SNAP91: variants seen among roughly 807,000 people sequenced by gnomAD.
SNAP91 encodes the protein clathrin coat assembly protein AP180.
Under a neutral mutation model 100.3 loss-of-function variants are expected in SNAP91, and 27 were observed. The observed-to-expected ratio is 0.27, with a 90% CI of 0.20 to 0.37. The LOEUF (loss-of-function observed/expected upper bound fraction) is 0.37, where lower values mean the gene tolerates loss of function less well. Among genes scored for constraint, SNAP91 ranks in the 10% least tolerant of loss-of-function variants. The pLI, the probability that SNAP91 is intolerant of heterozygous loss-of-function variation, is 1.00. For synonymous variants in SNAP91, 404 were observed against 398.6 expected (o/e 1.01, Z -0.16); for missense variants, 986 against 1,123.7 (o/e 0.88, Z 1.75).
intron 2 of SNAP91, among the ~76,000 whole-genome samples, chr6:83,675,713 C>T (rs2098856497): frequency 6.6e-6 from 1 of 151,952 alleles, no homozygotes; most frequent in Non-Finnish European, 1.5e-5. Flanking sequence ...CTCTCTTAAC[C>T]TCCATTTCTT....
rs184950521 is a variant in SNAP91 at position 83,707,780 on chromosome 6, A to G, written c.130+18T>C. The G allele has an allele frequency of 3.8e-4, 618 of 1,612,496 alleles. 1 individual carries two copies. The highest frequency in any genetic ancestry group is 1.6e-3 in the Admixed American group (93 of 59,672). On this transcript the variant is annotated intron_variant, in intron 2 of 29. Coordinates refer to ENST00000369694, the MANE Select transcript of SNAP91 (RefSeq NM_001242792.2). ...CCTCTGCCGTGCGCATGTCCCTCTT[A>G]TATAAAGAGATGCTTACAGTCCAGG...
intron 26 of SNAP91, among the ~76,000 whole-genome samples, chr6:83,567,836 G>A (rs982260602): frequency 2.3e-5 from 3 of 128,248 alleles, no homozygotes; most frequent in African/African-American, 9.4e-5. Context: ...TCATTAAAAA[G>A]TCAGGAAACA....
chr6:83,612,835 G>A (rs962320903), intron 11 of SNAP91, among the ~76,000 whole-genome samples: 3 of 145,774 alleles, frequency 2.1e-5, no homozygotes, highest in East Asian at 2.0e-4. Flanking sequence ...AGGTTGCAGC[G>A]AGCCGAGATC....
At chr6:83,574,117 A>G (rs1418977640) in intron 26 of SNAP91, among the ~76,000 whole-genome samples, 1 of 152,186 alleles carries the variant, frequency 6.6e-6, no homozygotes, top group African/African-American at 2.4e-5. Context: ...GAATTATTTC[A>G]GGTAACAAGG....
chr6:83,560,076 CT>C, intron 28 of SNAP91, 27 bp downstream of exon 28: 1 of 1,555,600 alleles, frequency 6.4e-7, no homozygotes, highest in African/African-American at 1.4e-5. Context: ...GTTAATGTCA[CT>C]GATTTGTGGA....
intron 8 of SNAP91, among the ~76,000 whole-genome samples, chr6:83,624,641 C>T (rs217346): frequency 0.77 from 116,847 of 151,804 alleles, 45,449 homozygotes; most frequent in African/African-American, 0.88. Flanking sequence ...GTCTTGTGCA[C>T]TGTAGGATGT....
At chr6:83,702,369 T>C (rs909429736) in intron 2 of SNAP91, among the ~76,000 whole-genome samples, 3 of 152,022 alleles carry the variant, frequency 2.0e-5, no homozygotes, top group Non-Finnish European at 4.4e-5. Context: ...CATCAGTCAA[T>C]TGAAGGGAGG....
At chr6:83,620,823 T>C (rs956025624) in intron 9 of SNAP91, among the ~76,000 whole-genome samples, 4 of 151,990 alleles carry the variant, frequency 2.6e-5, no homozygotes, top group African/African-American at 9.7e-5. Flanking sequence ...GCCATTCTCC[T>C]GCCTCAGCCT....
At chr6:83,633,190 C>T (rs1211862834) in intron 8 of SNAP91, among the ~76,000 whole-genome samples, 2 of 152,178 alleles carry the variant, frequency 1.3e-5, no homozygotes, top group African/African-American at 4.8e-5. Context: ...TATCAGGCTC[C>T]AGGCTGGTAC....
Position 83,591,329 on chromosome 6 carries a change from A to G in SNAP91, c.1931-35T>C, listed in dbSNP as rs80324933. On this transcript the variant is annotated intron_variant, in intron 21 of 29. Transcript: ENST00000369694. ...ATCCATTGTGCAGCGGAAAAGTAAG[A>G]AAGTGTAAAAAGTAAGTACAGTAAG... The G allele has an allele frequency of 1.7e-3, 2,341 of 1,362,412 alleles. 26 individuals carry two copies. In the African/African-American group the frequency reaches 0.028, roughly 17 times the overall value. 84.4% of individuals were successfully genotyped at this position (1,362,412 alleles called of 1,614,324 possible).
In SNAP91 at chr6:83,610,745, AT is replaced by A. The variant is rs35876740; in HGVS notation, c.885-69del. ...TATATATATATATATATATATATAT[AT>A]AAATATATATGTGAATATATTTGTA... On this transcript the variant is annotated intron_variant, in intron 11 of 29. Coordinates refer to ENST00000369694, the MANE Select transcript of SNAP91 (RefSeq NM_001242792.2). The A allele has an allele frequency of 3.0e-4, 27 of 90,780 alleles. 1 individual carries two copies. The highest frequency in any genetic ancestry group is 1.7e-3 in the East Asian group (8 of 4,684). 5.6% of individuals were successfully genotyped at this position (90,780 alleles called of 1,614,324 possible).
At chr6:83,688,384 A>T (rs2099088191) in intron 2 of SNAP91, among the ~76,000 whole-genome samples, 1 of 152,098 alleles carries the variant, frequency 6.6e-6, no homozygotes, top group African/African-American at 2.4e-5. Flanking sequence ...GACATCAGTG[A>T]TTCTTTCTAC....
chr6:83,659,470 A>AC (rs1275028840), intron 5 of SNAP91, among the ~76,000 whole-genome samples: 1 of 149,692 alleles, frequency 6.7e-6, no homozygotes, highest in Non-Finnish European at 1.5e-5. Flanking sequence ...TGTCACCCAA[A>AC]CTGGAGTGCA....
chr6:83,557,466 G>A (rs925348612), intron 28 of SNAP91, among the ~76,000 whole-genome samples: 1 of 151,858 alleles, frequency 6.6e-6, no homozygotes, highest in African/African-American at 2.4e-5. Flanking sequence ...CCAGGAGTTC[G>A]AGGCCACCCT....
intron 2 of SNAP91, among the ~76,000 whole-genome samples, chr6:83,669,556 C>T (rs1174580855): frequency 6.6e-6 from 1 of 150,676 alleles, no homozygotes; most frequent in Non-Finnish European, 1.5e-5. Context: ...TTTGACAAAC[C>T]TATACACTCA....
chr6:83,569,816 C>T (rs1436306901), intron 26 of SNAP91, among the ~76,000 whole-genome samples: 1 of 152,162 alleles, frequency 6.6e-6, no homozygotes, highest in African/African-American at 2.4e-5. Context: ...CTCTCTTTGC[C>T]TGCTGTCATC....
chr6:83,642,770 C>T (rs1269283795), intron 7 of SNAP91, among the ~76,000 whole-genome samples: 1 of 152,164 alleles, frequency 6.6e-6, no homozygotes, highest in South Asian at 2.1e-4. Flanking sequence ...GCCACACTGT[C>T]TTCCACAATG....
intron 2 of SNAP91, among the ~76,000 whole-genome samples, chr6:83,699,752 G>C (rs1195781685): frequency 6.6e-6 from 1 of 151,930 alleles, no homozygotes; most frequent in East Asian, 1.9e-4. Flanking sequence ...ACTAAAGAAG[G>C]ACAAGACAAA....
chr6:83,578,232 T>A, intron 24 of SNAP91, among the ~76,000 whole-genome samples: 1 of 152,126 alleles, frequency 6.6e-6, no homozygotes, highest in Admixed American at 6.5e-5. Context: ...TCCATACACC[T>A]AGGAGTGGAA....
Sources: gnomAD v4.1 joint callset for allele counts (sites outside exome capture counted in the v4.1 genomes callset) on GRCh38, gnomAD v4.1.1 for gene constraint, MANE v1.5 for transcripts, NCBI Gene and HGNC (gene_info 2026-07-23, HGNC 2026-07-21) for gene names.